ANKS1B: variants seen among roughly 807,000 people sequenced by gnomAD.
ANKS1B encodes ankyrin repeat and sterile alpha motif domain containing 1B.
ANKS1B carries 36 observed loss-of-function variants against 148.3 expected under a neutral mutation model. The ratio of observed to expected loss-of-function variants is 0.24; its 90% CI spans 0.19 to 0.32. ANKS1B has a LOEUF of 0.32. Among genes scored for constraint, ANKS1B ranks in the 10% least tolerant of loss-of-function variants. The pLI is 1.00. For synonymous variants in ANKS1B, 542 were observed against 560.8 expected, an observed-to-expected ratio of 0.97 and a Z score of 0.47; for missense variants, 1,157 against 1,542.6, an observed-to-expected ratio of 0.75 and a Z score of 4.19.
intron 10 of ANKS1B, among the ~76,000 whole-genome samples, chr12:99,458,327 G>C (rs1343576247): frequency 6.6e-6 from 1 of 151,270 alleles, no homozygotes; most frequent in Admixed American, 6.6e-5. Context: ...ACATCTGAGA[G>C]CACAAATAGA....
intron 10 of ANKS1B, among the ~76,000 whole-genome samples, chr12:99,481,167 T>TACC (rs2096404364): frequency 2.0e-5 from 3 of 151,720 alleles, no homozygotes; most frequent in African/African-American, 7.2e-5. Context: ...TAGTTTGTTT[T>TACC]TTTATCCCTA....
chr12:99,048,760 G>A (rs553956277), intron 17 of ANKS1B: 3 of 152,510 alleles, frequency 2.0e-5, no homozygotes, highest in African/African-American at 7.2e-5. Context: ...TCCTAAATGA[G>A]GACAAATGTC....
chr12:99,759,743 C>A (rs746645247), intron 8 of ANKS1B, among the ~76,000 whole-genome samples: 9 of 151,588 alleles, frequency 5.9e-5, no homozygotes, highest in Non-Finnish European at 1.3e-4. Flanking sequence ...GACAAATGAA[C>A]AAGGTAAATG....
intron 15 of ANKS1B, among the ~76,000 whole-genome samples, chr12:99,105,765 T>C (rs1201372756): frequency 1.0e-5 from 1 of 95,328 alleles, no homozygotes; most frequent in African/African-American, 3.5e-5. Flanking sequence ...TGAGACTCTG[T>C]CTCAAAAAAA....
intron 9 of ANKS1B, among the ~76,000 whole-genome samples, chr12:99,613,991 C>G (rs2097923925): frequency 6.6e-6 from 1 of 151,988 alleles, no homozygotes; most frequent in Admixed American, 6.6e-5. Flanking sequence ...CTAAATATCC[C>G]AGATTTAAAT....
intron 14 of ANKS1B, among the ~76,000 whole-genome samples, chr12:99,214,273 A>T (rs1455634983): frequency 6.6e-6 from 1 of 152,220 alleles, no homozygotes. Context: ...ATACTTTTAC[A>T]TCAGATTGGC....
chr12:99,899,587 A>T (rs11110101), intron 1 of ANKS1B, among the ~76,000 whole-genome samples: 132 of 152,126 alleles, frequency 8.7e-4, no homozygotes, highest in African/African-American at 2.9e-3. Context: ...AATCAATTTT[A>T]GTTTTTATAA....
chr12:99,542,338 T>C (rs1182563339), intron 9 of ANKS1B, among the ~76,000 whole-genome samples: 1 of 152,058 alleles, frequency 6.6e-6, no homozygotes, highest in African/African-American at 2.4e-5. Context: ...TACTTAGACA[T>C]GAACTTCACA....
intron 14 of ANKS1B, among the ~76,000 whole-genome samples, chr12:99,194,392 T>C (rs940593927): frequency 6.6e-6 from 1 of 152,008 alleles, no homozygotes; most frequent in Admixed American, 6.6e-5. Flanking sequence ...TGACACAACT[T>C]TCTCTTACCC....
chr12:99,208,807 A>G (rs1380696803), intron 14 of ANKS1B, among the ~76,000 whole-genome samples: 1 of 152,176 alleles, frequency 6.6e-6, no homozygotes, highest in African/African-American at 2.4e-5. Flanking sequence ...TGTTATTTTA[A>G]TGTTTTATTT....
intron 7 of ANKS1B, 68 bp downstream of exon 7, chr12:99,775,480 C>T: frequency 1.9e-6 from 2 of 1,072,176 alleles, no homozygotes; most frequent in East Asian, 2.4e-5. Flanking sequence ...ACCTATTAGA[C>T]TTGAAATTTT....
At chr12:99,847,806 A>G (rs1420546763) in intron 1 of ANKS1B, among the ~76,000 whole-genome samples, 5 of 152,124 alleles carry the variant, frequency 3.3e-5, no homozygotes, top group Non-Finnish European at 7.4e-5. Flanking sequence ...TAGGAAAGGT[A>G]TCACACCCTT....
intron 22 of ANKS1B, among the ~76,000 whole-genome samples, chr12:98,796,987 G>C (rs1367970761): frequency 2.6e-5 from 4 of 152,158 alleles, no homozygotes; most frequent in Admixed American, 2.0e-4. Flanking sequence ...TACTGATGCT[G>C]ATTATCACAC....
In ANKS1B at chr12:98,751,575, G is replaced by T. The variant is rs1352251436; in HGVS notation, c.3580-53C>A. The T allele has an allele frequency of 3.2e-6, 5 of 1,569,170 alleles. No individual in the cohort carries two copies. Among genetic ancestry groups the T allele is most frequent in the Non-Finnish European group, 4.4e-6 (5 of 1,145,120 alleles). On this transcript the variant is annotated intron_variant, in intron 25 of 26. Coordinates refer to ENST00000683438, the MANE Select transcript of ANKS1B (RefSeq NM_001352186.2). The surrounding 1 kb of genome is among the most constrained non-coding windows in gnomAD (Gnocchi z 4.3). The stretch of plus-strand genomic sequence containing the variant: ...TACTGGCACACTGCAAATTAGAATG[G>T]GTCGAATGGCTGAGGAACACTGAGG...
rs758033076 is a variant in ANKS1B at position 99,655,050 on chromosome 12, T to C, written c.1272+17A>G. 2 of 1,545,070 alleles carry C rather than the reference T, an allele frequency of 1.3e-6. No individual in the cohort carries two copies. Among genetic ancestry groups the C allele is most frequent in the Non-Finnish European group, 1.8e-6 (2 of 1,142,356 alleles). On this transcript the variant is annotated intron_variant, in intron 9 of 26. Transcript: ENST00000683438. ...CCATTTTTGTTTTATTGTACCTTAATAAAAGCAAACTTTTACCTGGGCAAG... is the reference window on the plus strand; with the variant it reads ...CCATTTTTGTTTTATTGTACCTTAACAAAAGCAAACTTTTACCTGGGCAAG...
At chr12:99,466,660 C>T (rs971215416) in intron 10 of ANKS1B, among the ~76,000 whole-genome samples, 6 of 151,718 alleles carry the variant, frequency 4.0e-5, no homozygotes, top group South Asian at 2.1e-4. Context: ...ACTACAAACA[C>T]CTCTATGCAA....
chr12:98,798,534 C>G (rs550385690), intron 22 of ANKS1B, among the ~76,000 whole-genome samples: 1 of 151,500 alleles, frequency 6.6e-6, no homozygotes, highest in Non-Finnish European at 1.5e-5. Context: ...AGAATATTAG[C>G]TTTATATAAT....
intron 17 of ANKS1B, among the ~76,000 whole-genome samples, chr12:98,858,941 A>G (rs2099585381): frequency 6.6e-6 from 1 of 152,144 alleles, no homozygotes; most frequent in Admixed American, 6.5e-5. Context: ...TATATTATCG[A>G]TTTACATTAA....
intron 14 of ANKS1B, among the ~76,000 whole-genome samples, chr12:99,224,645 C>A (rs1416745903): frequency 1.3e-5 from 2 of 152,110 alleles, no homozygotes; most frequent in African/African-American, 2.4e-5. Context: ...GAATCATGAG[C>A]CAATTAAACC....
Sources: gnomAD v4.1 joint callset for allele counts (sites outside exome capture counted in the v4.1 genomes callset) on GRCh38, gnomAD v4.1.1 for gene constraint, Gnocchi (gnomAD v3.1) non-coding constraint, MANE v1.5 for transcripts, NCBI Gene and HGNC (gene_info 2026-07-23, HGNC 2026-07-21) for gene names.